STAG1: variants seen among roughly 807,000 people sequenced by gnomAD.
The protein encoded by STAG1 is cohesin subunit SA-1.
STAG1 carries 26 observed loss-of-function variants against 170.9 expected under a neutral mutation model. The observed-to-expected ratio is 0.15, with a 90% CI of 0.11 to 0.21. The LOEUF is 0.21. Among genes scored for constraint, STAG1 ranks in the 10% least tolerant of loss-of-function variants. STAG1 has a pLI of 1.00. For missense variants in STAG1, 964 were observed against 1,509.5 expected (o/e 0.64, Z 5.99); for synonymous variants, 514 against 497.7 (o/e 1.03, Z -0.44).
chr3:136,638,379 C>A (rs1289650599), intron 1 of STAG1, among the ~76,000 whole-genome samples: 4 of 152,118 alleles, frequency 2.6e-5, no homozygotes, highest in African/African-American at 9.7e-5. Context: ...AGGTGATCCG[C>A]CTGCCTCAGC....
chr3:136,746,553 A>G (rs2107957083), intron 1 of STAG1, among the ~76,000 whole-genome samples: 1 of 152,284 alleles, frequency 6.6e-6, no homozygotes, highest in Non-Finnish European at 1.5e-5. Flanking sequence ...CCTCTTCATG[A>G]AAATATTTTG....
At chr3:136,455,999 G>A (rs1218877473) in intron 13 of STAG1, among the ~76,000 whole-genome samples, 2 of 152,170 alleles carry the variant, frequency 1.3e-5, no homozygotes, top group Admixed American at 6.5e-5. Flanking sequence ...AAAAAAACAA[G>A]AGGCCAGGGT....
chr3:136,535,680 A>C (rs1292611407), intron 6 of STAG1, among the ~76,000 whole-genome samples: 2 of 152,224 alleles, frequency 1.3e-5, no homozygotes, highest in East Asian at 3.9e-4. Flanking sequence ...ACAAACAAGT[A>C]AACAAACAAA....
At chr3:136,736,587 C>G in intron 1 of STAG1, 1 of 1,551,776 alleles carries the variant, frequency 6.4e-7, no homozygotes, top group Non-Finnish European at 8.9e-7. Flanking sequence ...GAAGTTTCGC[C>G]AGCTGTCCAC....
Position 136,337,197 on chromosome 3 carries a change from T to TTAA in STAG1, c.*1054_*1056dup, listed in dbSNP as rs754007350. ...GCACATACTTCTATAATCAGTAAAC[T>TTAA]TAATTCACAAAATTAGCGCATAAGG... On this transcript the variant is annotated 3_prime_UTR_variant, in exon 34 of 34. Coordinates refer to ENST00000383202, the MANE Select transcript of STAG1 (RefSeq NM_005862.3). 8 of 152,664 alleles carry TTAA rather than the reference T, an allele frequency of 5.2e-5. No individual in the cohort carries two copies. Among genetic ancestry groups the TTAA allele is most frequent in the Admixed American group, 3.3e-4 (5 of 15,274 alleles). 9.5% of individuals were successfully genotyped at this position (152,664 alleles called of 1,614,324 possible).
At chr3:136,733,873 C>G (rs1934179060) in intron 1 of STAG1, among the ~76,000 whole-genome samples, 1 of 152,138 alleles carries the variant, frequency 6.6e-6, no homozygotes, top group African/African-American at 2.4e-5. Context: ...TTCAGGAGGC[C>G]AAGGCGGGCG....
At chr3:136,560,991 A>G (rs1164344706) in intron 5 of STAG1, among the ~76,000 whole-genome samples, 1 of 151,972 alleles carries the variant, frequency 6.6e-6, no homozygotes, top group East Asian at 1.9e-4. Flanking sequence ...ACTTCAGGTC[A>G]ATTTTTAAAA....
intron 21 of STAG1, among the ~76,000 whole-genome samples, chr3:136,401,830 T>G (rs2087335072): frequency 6.6e-6 from 1 of 152,134 alleles, no homozygotes; most frequent in African/African-American, 2.4e-5. Context: ...CAGGCTAGAG[T>G]GCAGTGGTGG....
intron 1 of STAG1, among the ~76,000 whole-genome samples, chr3:136,689,397 C>CT (rs887728432): frequency 6.6e-6 from 1 of 152,086 alleles, no homozygotes; most frequent in Non-Finnish European, 1.5e-5. Context: ...GCAGGTTTTT[C>CT]TTTGTTTTAT....
chr3:136,408,172 G>T (rs1458077974), intron 21 of STAG1, among the ~76,000 whole-genome samples: 4 of 152,058 alleles, frequency 2.6e-5, no homozygotes, highest in African/African-American at 9.7e-5. Context: ...GAACATATTT[G>T]CATCTATGCC....
intron 1 of STAG1, among the ~76,000 whole-genome samples, chr3:136,732,231 C>A (rs1934081109): frequency 2.3e-5 from 3 of 131,898 alleles, no homozygotes; most frequent in East Asian, 2.2e-4. Flanking sequence ...ATCTTTTATC[C>A]ACAACTAAAA....
At chr3:136,528,688 A>T (rs778852028) in intron 6 of STAG1, among the ~76,000 whole-genome samples, 2 of 152,074 alleles carry the variant, frequency 1.3e-5, no homozygotes, top group Non-Finnish European at 2.9e-5. Flanking sequence ...AGGGGCTCAC[A>T]TGTATCATCC....
intron 13 of STAG1, among the ~76,000 whole-genome samples, chr3:136,456,996 A>G (rs2107785013): frequency 6.6e-6 from 1 of 152,358 alleles, no homozygotes; most frequent in Non-Finnish European, 1.5e-5. Context: ...TGCCTTATAA[A>G]AAATGCCAAA....
intron 21 of STAG1, among the ~76,000 whole-genome samples, chr3:136,412,065 C>A (rs2087639645): frequency 6.6e-6 from 1 of 152,036 alleles, no homozygotes; most frequent in South Asian, 2.1e-4. Context: ...TACATAGGAA[C>A]TGGATTGAAA....
chr3:136,650,225 G>T (rs1213553644), intron 1 of STAG1, among the ~76,000 whole-genome samples: 4 of 142,066 alleles, frequency 2.8e-5, no homozygotes, highest in African/African-American at 1.1e-4. Context: ...GACAAAGTGA[G>T]ACCCTGTCAA....
chr3:136,375,917 C>T (rs375183225), intron 23 of STAG1, among the ~76,000 whole-genome samples: 1 of 149,870 alleles, frequency 6.7e-6, no homozygotes, highest in African/African-American at 2.5e-5. Flanking sequence ...TGCAGTGAGC[C>T]GAGATCACGC....
chr3:136,736,487 G>A (rs1460795550), intron 1 of STAG1: 27 of 1,335,994 alleles, frequency 2.0e-5, no homozygotes, highest in Admixed American at 1.0e-4. Flanking sequence ...CTGTGACCCC[G>A]GGTGGTCATT....
At chr3:136,690,056 C>CAAAAAAAAAAAAAAAAAAAAAA (rs57082567) in intron 1 of STAG1, among the ~76,000 whole-genome samples, 12 of 56,366 alleles carry the variant, frequency 2.1e-4, no homozygotes, top group Admixed American at 6.4e-4. Context: ...AAAAGCAAAC[C>CAAAAAAAAAAAAAAAAAAAAAA]AAAAAAAAAA....
At chr3:136,681,690 A>G (rs1193737441) in intron 1 of STAG1, among the ~76,000 whole-genome samples, 2 of 152,148 alleles carry the variant, frequency 1.3e-5, no homozygotes, top group Middle Eastern at 3.2e-3. Context: ...AAGACTATAA[A>G]CCATAACCAA....
Sources: allele counts gnomAD v4.1 joint callset (sites outside exome capture counted in the v4.1 genomes callset), GRCh38; gene constraint gnomAD v4.1.1; transcripts MANE v1.5; gene names NCBI Gene and HGNC (gene_info 2026-07-23, HGNC 2026-07-21).